Variants in AXIN1 observed in about 807,000 individuals in gnomAD.
AXIN1 encodes axin 1.
In AXIN1, 30 loss-of-function variants were observed where a neutral mutation model predicts 76.4. The ratio of observed to expected loss-of-function variants is 0.39; its 90% confidence interval spans 0.29 to 0.53. AXIN1 has a LOEUF of 0.53. Ranked by LOEUF, AXIN1 falls within the 20% of genes least tolerant of loss-of-function variation. The pLI is 0.66. For synonymous variants in AXIN1, 545 were observed against 501.4 expected (o/e 1.09, Z -1.16); for missense variants, 1,140 against 1,198.8 (o/e 0.95, Z 0.72).
chr16:344,943 T>C (rs761182032), intron 2 of AXIN1, among the ~76,000 whole-genome samples: 11 of 152,216 alleles, frequency 7.2e-5, no homozygotes, highest in Non-Finnish European at 1.5e-4. Flanking sequence ...TCCCAGCACA[T>C]GGGGCTGTGC....
At chr16:299,845 T>C (rs1017088368) in intron 5 of AXIN1, among the ~76,000 whole-genome samples, 1 of 148,810 alleles carries the variant, frequency 6.7e-6, no homozygotes, top group African/African-American at 2.5e-5. Context: ...TTAGTAGAGA[T>C]GGAGTTTCAC....
intron 2 of AXIN1, among the ~76,000 whole-genome samples, chr16:339,219 A>G (rs2053865377): frequency 6.7e-6 from 1 of 149,504 alleles, no homozygotes; most frequent in East Asian, 2.0e-4. Flanking sequence ...AAAAAAAAAA[A>G]AAGGCCGGGC....
At chr16:305,853 C>CT (rs1338323268) in intron 4 of AXIN1, among the ~76,000 whole-genome samples, 1 of 152,086 alleles carries the variant, frequency 6.6e-6, no homozygotes, top group African/African-American at 2.4e-5. Flanking sequence ...CCCCCTATAG[C>CT]TTTTTTTAAA....
intron 2 of AXIN1, among the ~76,000 whole-genome samples, chr16:340,606 C>A (rs944321249): frequency 3.9e-5 from 6 of 152,214 alleles, no homozygotes; most frequent in African/African-American, 1.4e-4. Flanking sequence ...TGATCCACAC[C>A]GCTGAAATGA....
chr16:309,481 A>G (rs11859972), intron 4 of AXIN1, among the ~76,000 whole-genome samples: 3,961 of 152,214 alleles, frequency 0.026, 193 homozygotes, highest in African/African-American at 0.09. Flanking sequence ...CCAAGCCCCC[A>G]TGCCCGAGAC....
intron 2 of AXIN1, among the ~76,000 whole-genome samples, chr16:336,550 G>C (rs60522840): frequency 1.3e-5 from 2 of 152,048 alleles, no homozygotes; most frequent in East Asian, 3.9e-4. Flanking sequence ...AGCTGGGCGC[G>C]GTGCCTCACA....
intron 2 of AXIN1, among the ~76,000 whole-genome samples, chr16:328,533 T>TAA (rs1036592793): frequency 8.4e-6 from 1 of 119,078 alleles, no homozygotes. Context: ...CCATCTCTAC[T>TAA]AAAAAAAAAA....
In AXIN1 at chr16:314,730, C is replaced by A. The variant is rs139370146; in HGVS notation, c.879-47G>T. On this transcript the variant is annotated intron_variant, in intron 2 of 10. Transcript: ENST00000262320. ...ATGTTAGTGACAGCCTGCCAACAGC[C>A]TCTCATTTTATTTCACATTTTCATG... is the stretch of plus-strand genomic sequence containing the variant. 4.2e-4 allele frequency: 674 copies of A among 1,609,168 alleles called. 4 individuals carry two copies. In the African/African-American group the frequency reaches 7.3e-3, roughly 17 times the overall value.
At position 304,281 on chromosome 16, in the gene AXIN1, C is replaced by T. The variant is rs200215820; in HGVS notation, c.1254+23G>A. On this transcript the variant is annotated intron_variant, in intron 5 of 10. Coordinates refer to ENST00000262320, the MANE Select transcript of AXIN1 (RefSeq NM_003502.4). ...AACAGCACGACACCGACGCGGAGCGCGACACCGACGCGGCCCACTCACCAT... is the reference window on the plus strand; with the variant it reads ...AACAGCACGACACCGACGCGGAGCGTGACACCGACGCGGCCCACTCACCAT... 887 of 1,609,106 alleles carry T rather than the reference C, an allele frequency of 5.5e-4. 3 individuals carry two copies. Among genetic ancestry groups the T allele is most frequent in the Non-Finnish European group, 2.9e-4 (339 of 1,179,620 alleles).
At position 341,510 on chromosome 16, in the gene AXIN1, C is replaced by G. The variant is rs143960074; in HGVS notation, c.878+4638G>C. The stretch of plus-strand genomic sequence containing the variant: ...TTAACTGCCTTCCTGCAGGGCAGGG[C>G]TCGGGAGCTGCAGCCCGCCATGCCT... On this transcript the variant is annotated intron_variant, in intron 2 of 10. Transcript: ENST00000262320. 4.9e-4 allele frequency among the ~76,000 whole-genome samples: 75 copies of G among 152,390 alleles called. No individual in the cohort carries two copies. The East Asian group carries it at 0.01, about 21-fold the overall frequency.
Position 287,538 on chromosome 16 carries a change from C to G in AXIN1, c.*584G>C. ...TCGCATGAAAAACAGACTCGGGCAG[C>G]CCCTGCTGGCCTAGCCTGAGAAATG... On this transcript the variant is annotated 3_prime_UTR_variant, in exon 11 of 11. Transcript: ENST00000262320. 1.3e-5 allele frequency: 4 copies of G among 305,284 alleles called. No individual in the cohort carries two copies. Among genetic ancestry groups the G allele is most frequent in the Non-Finnish European group, 2.4e-5 (4 of 166,118 alleles). The allele number at this position is 305,284 out of a possible 1,614,324, so 18.9% of individuals were successfully genotyped here. A position where few individuals can be genotyped will look rare whatever the true frequency, so the allele number is the denominator to read the frequency against.
intron 2 of AXIN1, among the ~76,000 whole-genome samples, chr16:320,741 A>ACATTTTTTTT (rs1555482159): frequency 1.1e-5 from 1 of 92,080 alleles, no homozygotes; most frequent in African/African-American, 5.6e-5. Context: ...ATATATATAT[A>ACATTTTTTTT]TATTTTTTTT....
intron 1 of AXIN1, among the ~76,000 whole-genome samples, chr16:348,470 T>A (rs538753809): frequency 6.6e-6 from 1 of 152,306 alleles, no homozygotes; most frequent in South Asian, 2.1e-4. Flanking sequence ...TTGCACACAC[T>A]TTACCAGCCA....
intron 3 of AXIN1, among the ~76,000 whole-genome samples, chr16:311,636 T>C (rs1474924804): frequency 6.6e-6 from 1 of 151,836 alleles, no homozygotes; most frequent in Non-Finnish European, 1.5e-5. Context: ...CCAGGTGTGG[T>C]GGCGAGTGCC....
At chr16:332,094 G>A (rs528947262) in intron 2 of AXIN1, among the ~76,000 whole-genome samples, 31 of 152,264 alleles carry the variant, frequency 2.0e-4, no homozygotes, top group African/African-American at 7.5e-4. Context: ...CAGGCAGTGC[G>A]AGAGTCCACA....
rs1389245215 is a variant in AXIN1 at position 346,456 on chromosome 16, C to G, written c.570G>C (p.Gln190His). 6.2e-7 allele frequency: 1 copy of G among 1,614,034 alleles called. No homozygotes were observed. The highest frequency in any genetic ancestry group is 8.5e-7 in the Non-Finnish European group (1 of 1,180,054). ...AMFDQAQTEI[Q>H]ATMEENTYPS... ...GATAGGTGTTTTCCTCCATAGTGGC[C>G]TGGATTTCGGTCTGGGCCTGGTCAA... The change falls in exon 2 of 11, where the codon CAG becomes CAC. Residue 190 changes from glutamine to histidine, a missense_variant. Around this residue, in one of 3 missense-constraint regions of AXIN1, gnomAD observed 708 missense variants for 776.9 expected, o/e 0.91. Coordinates refer to ENST00000262320, the MANE Select transcript of AXIN1 (RefSeq NM_003502.4).
chr16:312,020 C>T (rs1038452936), intron 3 of AXIN1, among the ~76,000 whole-genome samples: 2 of 152,156 alleles, frequency 1.3e-5, no homozygotes, highest in Admixed American at 1.3e-4. Flanking sequence ...GCGTCAGGAA[C>T]AAGTGAATCT....
chr16:347,405 G>C (rs530072572), intron 1 of AXIN1, among the ~76,000 whole-genome samples: 23 of 152,300 alleles, frequency 1.5e-4, no homozygotes, highest in Middle Eastern at 3.4e-3. Context: ...CTGGCAGCTT[G>C]AGCACCTCCC....
Position 288,047 on chromosome 16 carries a change from G to T in AXIN1, c.*75C>A. On this transcript the variant is annotated 3_prime_UTR_variant, in exon 11 of 11. Coordinates refer to ENST00000262320, the MANE Select transcript of AXIN1 (RefSeq NM_003502.4). ...TGTTCCCCATCGGGCTCCTGAGTAC[G>T]AGGTCATCTGCCTGGCCGTGACACC... is the stretch of plus-strand genomic sequence containing the variant. 1.2e-6 allele frequency: 2 copies of T among 1,607,954 alleles called. No individual in the cohort carries two copies.
Sources: gnomAD v4.1 joint callset for allele counts (sites outside exome capture counted in the v4.1 genomes callset) on GRCh38, gnomAD v4.1.1 for gene constraint, gnomAD v4.1.1 regional missense constraint, MANE v1.5 for transcripts, NCBI Gene and HGNC (gene_info 2026-07-23, HGNC 2026-07-21) for gene names.